The following IMMP2L variants were observed in gnomAD, a reference collection of about 807,000 sequenced individuals.
IMMP2L encodes the protein inner mitochondrial membrane peptidase subunit 2.
In IMMP2L, 18 loss-of-function variants were observed where a neutral mutation model predicts 19.3. The ratio of observed to expected loss-of-function variants is 0.93; its 90% CI spans 0.64 to 1.38. IMMP2L has a LOEUF of 1.38. IMMP2L is among the 40% of genes most tolerant of loss of function. The probability of loss-of-function intolerance (pLI) is 0.00; values close to 1 mark genes in which losing one functional copy is unlikely to be tolerated. For synonymous variants in IMMP2L, 76 were observed against 73.0 expected (o/e 1.04, Z -0.21); for missense variants, 233 against 218.2 (o/e 1.07, Z -0.43).
chr7:111,538,490 T>C (rs1848098718), intron 1 of IMMP2L, among the ~76,000 whole-genome samples: 1 of 151,838 alleles, frequency 6.6e-6, no homozygotes, highest in Non-Finnish European at 1.5e-5. Context: ...ATGCTGTAAG[T>C]ATAAATATAC....
At chr7:111,271,833 C>G (rs1562991821) in intron 3 of IMMP2L, among the ~76,000 whole-genome samples, 1 of 152,118 alleles carries the variant, frequency 6.6e-6, no homozygotes, top group Non-Finnish European at 1.5e-5. Flanking sequence ...CACCATGAAG[C>G]AAGTTGCTCA....
At chr7:111,488,599 C>T (rs895952674) in intron 2 of IMMP2L, among the ~76,000 whole-genome samples, 2 of 152,120 alleles carry the variant, frequency 1.3e-5, no homozygotes, top group Non-Finnish European at 2.9e-5. Flanking sequence ...TGGGCTGGTT[C>T]CATATTTTTG....
intron 5 of IMMP2L, among the ~76,000 whole-genome samples, chr7:110,769,517 C>A (rs745529866): frequency 1.3e-5 from 2 of 152,056 alleles, no homozygotes; most frequent in Non-Finnish European, 2.9e-5. Flanking sequence ...CTAGATAATA[C>A]GCAGAGAAGA....
At chr7:111,133,540 A>C (rs773656239) in intron 3 of IMMP2L, among the ~76,000 whole-genome samples, 1 of 152,034 alleles carries the variant, frequency 6.6e-6, no homozygotes, top group Non-Finnish European at 1.5e-5. Flanking sequence ...TCAGAAAGAA[A>C]AATCAGGAGG....
chr7:111,388,287 T>C (rs1014182399), intron 3 of IMMP2L, among the ~76,000 whole-genome samples: 1 of 151,632 alleles, frequency 6.6e-6, no homozygotes, highest in African/African-American at 2.4e-5. Context: ...TAAAATTAAG[T>C]ATAAAAAGGG....
At chr7:110,940,645 C>T (rs17158169) in intron 4 of IMMP2L, among the ~76,000 whole-genome samples, 19,928 of 152,100 alleles carry the variant, frequency 0.13, 2,485 homozygotes, top group African/African-American at 0.33. Context: ...TCATCTATAA[C>T]GTGAGTGCGA....
At chr7:110,867,855 GA>G (rs1808137432) in intron 5 of IMMP2L, among the ~76,000 whole-genome samples, 1 of 151,932 alleles carries the variant, frequency 6.6e-6, no homozygotes, top group South Asian at 2.1e-4. Context: ...GTTGATTTCT[GA>G]AACGCCTGAA....
chr7:111,481,532 G>A (rs1191583481), intron 3 of IMMP2L, among the ~76,000 whole-genome samples: 2 of 151,800 alleles, frequency 1.3e-5, no homozygotes, highest in Admixed American at 6.6e-5. Context: ...TAAAAGTGAA[G>A]TTAGAACTCC....
At chr7:111,514,524 T>A (rs896549392) in intron 2 of IMMP2L, among the ~76,000 whole-genome samples, 5 of 151,956 alleles carry the variant, frequency 3.3e-5, no homozygotes, top group East Asian at 1.9e-4. Context: ...ATAATAAAAA[T>A]ATATATATAT....
chr7:111,306,917 T>G lies in IMMP2L; in HGVS notation c.239+180321A>C, dbSNP rs1183340179. Among the ~76,000 whole-genome samples the G allele has an allele frequency of 2.0e-5, 3 of 151,428 alleles. No homozygotes were observed. The East Asian group carries it at 5.8e-4, about 29-fold the overall frequency. ...ATTATATTTTTTAAATTTATCCTTA[T>G]GAAAATTATCTCTCATTATTAAAAG... On this transcript the variant is annotated intron_variant, in intron 3 of 5. Transcript: ENST00000405709.
intron 3 of IMMP2L, among the ~76,000 whole-genome samples, chr7:111,192,943 C>T (rs1809054830): frequency 6.6e-6 from 1 of 151,652 alleles, no homozygotes; most frequent in Non-Finnish European, 1.5e-5. Flanking sequence ...TGATCAAGCC[C>T]CTGAGGAGAG....
intron 5 of IMMP2L, among the ~76,000 whole-genome samples, chr7:110,837,226 A>G (rs879698055): frequency 1.3e-5 from 2 of 152,162 alleles, no homozygotes; most frequent in Admixed American, 6.6e-5. Flanking sequence ...TGTCTATAAT[A>G]CACTGTATAA....
chr7:110,668,137 A>T (rs55870657), intron 5 of IMMP2L, among the ~76,000 whole-genome samples: 2,231 of 151,890 alleles, frequency 0.015, 24 homozygotes, highest in Non-Finnish European at 0.021. Context: ...ACCCCACCTA[A>T]CCCTAGTGAT....
In IMMP2L at chr7:111,334,344, C is replaced by T. The variant is rs140228306; in HGVS notation, c.239+152894G>A. Among the ~76,000 whole-genome samples the T allele has an allele frequency of 2.6e-4, 39 of 152,102 alleles. 1 individual carries two copies. The highest frequency in any genetic ancestry group is 9.2e-4 in the African/African-American group (38 of 41,514). ...GCCTTTCTGTGCTTGGCTTATTTCA[C>T]TTAACAAAACGGCCTTCTGTTTCAT... On this transcript the variant is annotated intron_variant, in intron 3 of 5. Coordinates refer to ENST00000405709, the MANE Select transcript of IMMP2L (RefSeq NM_032549.4).
At chr7:110,949,205 A>G (rs1669396267) in intron 4 of IMMP2L, among the ~76,000 whole-genome samples, 1 of 152,206 alleles carries the variant, frequency 6.6e-6, no homozygotes, top group African/African-American at 2.4e-5. Context: ...ATATATCTGT[A>G]CATCATATAT....
At chr7:111,308,526 T>C (rs960305561) in intron 3 of IMMP2L, among the ~76,000 whole-genome samples, 5 of 151,936 alleles carry the variant, frequency 3.3e-5, no homozygotes, top group Non-Finnish European at 5.9e-5. Context: ...ACAAAAAGTT[T>C]CTAGGCAGAA....
chr7:111,352,899 CT>C (rs1828319046), intron 3 of IMMP2L, among the ~76,000 whole-genome samples: 1 of 152,120 alleles, frequency 6.6e-6, no homozygotes, highest in Admixed American at 6.6e-5. Flanking sequence ...CTGTGAGGTC[CT>C]TTAAAGCACT....
chr7:111,099,219 G>A (rs192938927), intron 3 of IMMP2L, among the ~76,000 whole-genome samples: 183 of 151,692 alleles, frequency 1.2e-3, no homozygotes, highest in African/African-American at 3.6e-3. Context: ...TAGCTCATTG[G>A]TCTCAAATTT....
At chr7:110,958,712 G>A (rs985130127) in intron 4 of IMMP2L, among the ~76,000 whole-genome samples, 1 of 152,030 alleles carries the variant, frequency 6.6e-6, no homozygotes, top group Non-Finnish European at 1.5e-5. Context: ...AAAGGTAGTA[G>A]ATCAGCTGGT....
Sources: allele counts gnomAD v4.1 joint callset (sites outside exome capture counted in the v4.1 genomes callset), GRCh38; gene constraint gnomAD v4.1.1; transcripts MANE v1.5; gene names NCBI Gene and HGNC (gene_info 2026-07-23, HGNC 2026-07-21).